The following CALN1 variants were observed in gnomAD, a reference collection of about 807,000 sequenced individuals.
The protein encoded by CALN1 is calcium-binding protein 8.
Under a neutral mutation model 30.6 loss-of-function variants are expected in CALN1, and 17 were observed. The observed-to-expected ratio is 0.56, with a 90% CI of 0.38 to 0.83. The LOEUF (loss-of-function observed/expected upper bound fraction) is 0.83. CALN1 is among the 40% of genes least tolerant of loss of function. CALN1 has a pLI of 0.00. For missense variants in CALN1, 291 were observed against 354.9 expected, an observed-to-expected ratio of 0.82 and a Z score of 1.45; for synonymous variants, 156 against 131.4, an observed-to-expected ratio of 1.19 and a Z score of -1.28.
rs1196483094 is a variant in CALN1 at position 71,786,793 on chromosome 7, T to A, written c.*982A>T. 6.6e-6 allele frequency: 1 copy of A among 152,172 alleles called. No individual in the cohort carries two copies. Among genetic ancestry groups the A allele is most frequent in the African/African-American group, 2.4e-5 (1 of 41,412 alleles). 9.4% of individuals were successfully genotyped at this position (152,172 alleles called of 1,614,324 possible). Reference sequence around the variant, plus strand: ...CGTGGTGGGTCTCCATGACTCCAGATGGCTGGGTGTGGGTATCAAAACCTC... The same window carrying A: ...CGTGGTGGGTCTCCATGACTCCAGAAGGCTGGGTGTGGGTATCAAAACCTC... On this transcript the variant is annotated 3_prime_UTR_variant, in exon 7 of 7. Coordinates refer to ENST00000395275, the MANE Select transcript of CALN1 (RefSeq NM_031468.4).
At chr7:71,887,350 CA>C (rs1792972049) in intron 5 of CALN1, among the ~76,000 whole-genome samples, 1 of 152,294 alleles carries the variant, frequency 6.6e-6, no homozygotes, top group South Asian at 2.1e-4. Flanking sequence ...GGCTGGCATG[CA>C]ATGGTACAAT....
At chr7:72,031,968 C>T (rs1342181484) in intron 4 of CALN1, among the ~76,000 whole-genome samples, 1 of 151,212 alleles carries the variant, frequency 6.6e-6, no homozygotes, top group Non-Finnish European at 1.5e-5. Context: ...GTCTCAAACT[C>T]CTGACTTCAG....
At chr7:72,143,341 T>C (rs979321292) in intron 3 of CALN1, among the ~76,000 whole-genome samples, 18 of 152,178 alleles carry the variant, frequency 1.2e-4, no homozygotes, top group Non-Finnish European at 2.4e-4. Context: ...CAAGCTTCAG[T>C]AGCCGATTCG....
intron 2 of CALN1, among the ~76,000 whole-genome samples, chr7:72,308,301 T>C (rs773352882): frequency 1.3e-4 from 18 of 139,646 alleles, no homozygotes; most frequent in Non-Finnish European, 1.7e-4. Context: ...GAGAAGGAGG[T>C]TGCAGTGAGC....
chr7:72,163,267 C>A (rs1788250068), intron 3 of CALN1, among the ~76,000 whole-genome samples: 1 of 151,486 alleles, frequency 6.6e-6, no homozygotes, highest in Admixed American at 6.6e-5. Flanking sequence ...TCTATAAAGT[C>A]AAGGTGTTTG....
At chr7:72,215,356 G>A (rs1792711429) in intron 3 of CALN1, among the ~76,000 whole-genome samples, 1 of 152,162 alleles carries the variant, frequency 6.6e-6, no homozygotes, top group East Asian at 1.9e-4. Context: ...CACTTTGGGA[G>A]GCCGAGGTGG....
At chr7:72,335,639 G>A (rs952188879) in intron 2 of CALN1, among the ~76,000 whole-genome samples, 3 of 152,188 alleles carry the variant, frequency 2.0e-5, no homozygotes, top group Non-Finnish European at 4.4e-5. Flanking sequence ...CCCCAGTCTT[G>A]GCACTCAGGG....
chr7:72,395,934 C>T (rs1250323733), intron 2 of CALN1, among the ~76,000 whole-genome samples: 3 of 151,940 alleles, frequency 2.0e-5, no homozygotes, highest in Non-Finnish European at 4.4e-5. Flanking sequence ...GAGGTAGGAC[C>T]TCCAAATATA....
chr7:72,441,643 T>C (rs191583798), intron 1 of CALN1, among the ~76,000 whole-genome samples: 158 of 147,812 alleles, frequency 1.1e-3, no homozygotes, highest in Admixed American at 7.6e-3. Flanking sequence ...GAGCTATAAG[T>C]CTTGGTCCCA....
At chr7:72,003,414 T>C (rs375313239) in intron 5 of CALN1, among the ~76,000 whole-genome samples, 1 of 152,100 alleles carries the variant, frequency 6.6e-6, no homozygotes, top group Non-Finnish European at 1.5e-5. Context: ...CGGTACCAGA[T>C]AGCAAGAGGT....
At chr7:71,803,343 A>T (rs1188165004) in intron 6 of CALN1, among the ~76,000 whole-genome samples, 2 of 152,144 alleles carry the variant, frequency 1.3e-5, no homozygotes, top group African/African-American at 4.8e-5. Context: ...CCCCTGAGCT[A>T]GGGTCTTCTA....
intron 4 of CALN1, among the ~76,000 whole-genome samples, chr7:72,049,692 G>C (rs1327524260): frequency 6.6e-6 from 1 of 151,974 alleles, no homozygotes; most frequent in African/African-American, 2.4e-5. Context: ...GTTTTTAGTA[G>C]GGATGGGGTT....
intron 4 of CALN1, among the ~76,000 whole-genome samples, chr7:72,072,335 G>C (rs1408227590): frequency 6.6e-6 from 1 of 152,116 alleles, no homozygotes; most frequent in African/African-American, 2.4e-5. Flanking sequence ...AAAAACTTTA[G>C]AGGCCAGAAG....
chr7:72,169,689 T>A (rs1788801264), intron 3 of CALN1, among the ~76,000 whole-genome samples: 2 of 151,992 alleles, frequency 1.3e-5, no homozygotes, highest in Non-Finnish European at 2.9e-5. Flanking sequence ...CTTTTTCTTT[T>A]TTCCTTTTCT....
chr7:71,822,029 A>G (rs1287480841), intron 5 of CALN1, among the ~76,000 whole-genome samples: 1 of 151,598 alleles, frequency 6.6e-6, no homozygotes, highest in East Asian at 2.0e-4. Context: ...TCAGCCTCCC[A>G]AAGTTCTGTG....
intron 3 of CALN1, among the ~76,000 whole-genome samples, chr7:72,140,566 C>T (rs1183119185): frequency 6.6e-6 from 1 of 152,218 alleles, no homozygotes; most frequent in Non-Finnish European, 1.5e-5. Flanking sequence ...GGCAGAAGCC[C>T]CCTCAGGGAT....
At chr7:72,099,418 C>A (rs565119963) in intron 4 of CALN1, among the ~76,000 whole-genome samples, 1 of 151,890 alleles carries the variant, frequency 6.6e-6, no homozygotes, top group East Asian at 1.9e-4. Context: ...CTGGAGGATT[C>A]CCAGTTACAG....
chr7:72,248,374 C>T (rs951368958), intron 3 of CALN1, among the ~76,000 whole-genome samples: 8 of 152,224 alleles, frequency 5.3e-5, no homozygotes, highest in African/African-American at 1.4e-4. Flanking sequence ...GCTGGGATTA[C>T]AGTCATGAAC....
chr7:72,010,768 G>A (rs1322898346), intron 5 of CALN1, among the ~76,000 whole-genome samples: 2 of 150,244 alleles, frequency 1.3e-5, no homozygotes, highest in East Asian at 2.0e-4. Flanking sequence ...AGCCAAGATC[G>A]CGTCACTGCG....
Sources: gnomAD v4.1 joint callset for allele counts (sites outside exome capture counted in the v4.1 genomes callset) on GRCh38, gnomAD v4.1.1 for gene constraint, MANE v1.5 for transcripts, NCBI Gene and HGNC (gene_info 2026-07-23, HGNC 2026-07-21) for gene names.